The following NOC3L variants were observed in gnomAD, a reference collection of about 807,000 sequenced individuals.
The protein encoded by NOC3L is NOC3 like DNA replication regulator, also known as nucleolar complex protein 3 homolog.
A neutral mutation model predicts 102.5 loss-of-function variants in NOC3L; 85 were observed. The observed-to-expected ratio is 0.83, with a 90% CI of 0.70 to 0.99. The LOEUF (loss-of-function observed/expected upper bound fraction) is 0.99, where lower values mean the gene tolerates loss of function less well. NOC3L is among the 50% of genes least tolerant of loss of function. NOC3L has a pLI of 0.00. For missense variants in NOC3L, 878 were observed against 914.9 expected, an observed-to-expected ratio of 0.96 and a Z score of 0.52; for synonymous variants, 303 against 309.4, an observed-to-expected ratio of 0.98 and a Z score of 0.22.
intron 8 of NOC3L, 105 bp from the exon 9 acceptor site, chr10:94,350,393 C>G (rs533044111): frequency 1.6e-5 from 14 of 900,912 alleles, no homozygotes; most frequent in Non-Finnish European, 2.5e-5. Flanking sequence ...AACACACACA[C>G]ACACATTCCC....
the NOC3L span, chr10:94,316,741 A>G: frequency 6.2e-7 from 1 of 1,613,376 alleles, no homozygotes; most frequent in Non-Finnish European, 8.5e-7. Flanking sequence ...GGATTGTCTT[A>G]AAAACCCAGC....
chr10:94,350,101 A>G lies in NOC3L; in HGVS notation c.1128+12T>C. On this transcript the variant is annotated intron_variant, in intron 9 of 20. Coordinates refer to ENST00000371361, the MANE Select transcript of NOC3L (RefSeq NM_022451.11). ...CTAAGGAGGACAGCAATAACCATTTACAGCAACTCACCAATTTTGACATGT... is the reference window on the plus strand; with the variant it reads ...CTAAGGAGGACAGCAATAACCATTTGCAGCAACTCACCAATTTTGACATGT... 1.2e-6 allele frequency: 2 copies of G among 1,613,420 alleles called. No homozygotes were observed. Among genetic ancestry groups the G allele is most frequent in the Non-Finnish European group, 1.7e-6 (2 of 1,179,476 alleles).
the NOC3L span, among the ~76,000 whole-genome samples, chr10:94,326,493 T>C: frequency 2.3e-4 from 35 of 152,244 alleles, no homozygotes; most frequent in Non-Finnish European, 4.4e-4. Flanking sequence ...TGTGATGTTA[T>C]ACACACCTCT....
chr10:94,320,561 G>A, the NOC3L span, among the ~76,000 whole-genome samples: 1 of 152,134 alleles, frequency 6.6e-6, no homozygotes, highest in Non-Finnish European at 1.5e-5. Flanking sequence ...GGATTCTTCT[G>A]GTTAGTTAGT....
chr10:94,318,435 TTGAAAG>T, the NOC3L span, among the ~76,000 whole-genome samples: 1 of 152,220 alleles, frequency 6.6e-6, no homozygotes, highest in Non-Finnish European at 1.5e-5. Flanking sequence ...ATTTACAGCG[TTGAAAG>T]CCCTCAAACA....
intron 2 of NOC3L, chr10:94,361,395 G>A (rs1371017934): frequency 2.3e-6 from 1 of 435,996 alleles, no homozygotes; most frequent in Non-Finnish European, 4.1e-6. Context: ...AGTACTTTCA[G>A]TTTGTTTTCC....
Position 94,334,649 on chromosome 10 carries a change from T to C in NOC3L, c.2259A>G (p.Ser753=). 6.2e-7 allele frequency: 1 copy of C among 1,612,592 alleles called. No individual in the cohort carries two copies. Among genetic ancestry groups the C allele is most frequent in the East Asian group, 2.2e-5 (1 of 44,824 alleles). ...TATCCCATACCTTTATTTTGGGGTT[T>C]GAAGATTCAACAGGAGGATTGAATG... ...EMTFNPPVES[S]NPKIKGKFLQ... The change falls in exon 20 of 21, where the codon TCA becomes TCG. Residue 753 remains serine, a synonymous_variant. Transcript: ENST00000371361.
chr10:94,358,236 C>A, intron 2 of NOC3L, 21 bp from the exon 3 acceptor site: 1 of 1,222,530 alleles, frequency 8.2e-7, no homozygotes, highest in Non-Finnish European at 1.2e-6. Flanking sequence ...CACACACACA[C>A]ACAAAGAAAA....
chr10:94,327,299 A>C, the NOC3L span, among the ~76,000 whole-genome samples: 20,433 of 152,090 alleles, frequency 0.13, 1,538 homozygotes, highest in Middle Eastern at 0.26. Flanking sequence ...TAAGAAAAGA[A>C]GTTTAGAGTT....
At chr10:94,346,864 C>T (rs907992391) in intron 10 of NOC3L, among the ~76,000 whole-genome samples, 2 of 152,048 alleles carry the variant, frequency 1.3e-5, no homozygotes, top group Non-Finnish European at 2.9e-5. Flanking sequence ...AAAGAGAAAA[C>T]AGGCCAGGAA....
At position 94,346,557 on chromosome 10, in the gene NOC3L, C is replaced by A; in HGVS notation, c.1258-1G>T. 1 of 1,352,926 alleles carries A rather than the reference C, an allele frequency of 7.4e-7. No homozygotes were observed. Among genetic ancestry groups the A allele is most frequent in the South Asian group, 1.5e-5 (1 of 67,176 alleles). 83.8% of individuals were successfully genotyped at this position (1,352,926 alleles called of 1,614,324 possible). On this transcript the variant is annotated splice_acceptor_variant, in intron 10 of 20. Coordinates refer to ENST00000371361, the MANE Select transcript of NOC3L (RefSeq NM_022451.11). LOFTEE classifies it high-confidence loss of function. ...TTAGGCATAAAAATGTTTTTAACAT[C>A]TAATATTGGAAAAAAAACACAAATA...
At position 94,342,238 on chromosome 10, in the gene NOC3L, G is replaced by C. The variant is rs2054294233; in HGVS notation, c.1572-493C>G. ...GTGATCCTAGGTAACTCACTTCACT[G>C]TCCTGGGCCTCTATTTGTAGAAATA... On this transcript the variant is annotated intron_variant, in intron 13 of 20. Transcript: ENST00000371361. 2.0e-5 allele frequency among the ~76,000 whole-genome samples: 3 copies of C among 152,210 alleles called. No homozygotes were observed. In the East Asian group the frequency reaches 5.8e-4, roughly 29 times the overall value.
At chr10:94,326,664 T>G in the NOC3L span, among the ~76,000 whole-genome samples, 1 of 152,212 alleles carries the variant, frequency 6.6e-6, no homozygotes, top group Non-Finnish European at 1.5e-5. Context: ...CCTACTATAA[T>G]GAACATTGCT....
the NOC3L span, among the ~76,000 whole-genome samples, chr10:94,319,063 G>A: frequency 6.6e-6 from 1 of 151,962 alleles, no homozygotes; most frequent in Non-Finnish European, 1.5e-5. Flanking sequence ...ACAAAAAAAA[G>A]TATATGACAA....
intron 5 of NOC3L, 93 bp from the exon 6 acceptor site, chr10:94,355,186 C>A (rs867243325): frequency 2.6e-6 from 3 of 1,146,042 alleles, no homozygotes; most frequent in South Asian, 1.7e-5. Flanking sequence ...ATAATAATGA[C>A]AACAGCTAAG....
the NOC3L span, chr10:94,325,359 G>A: frequency 3.3e-5 from 13 of 388,724 alleles, no homozygotes; most frequent in South Asian, 2.8e-4. Flanking sequence ...AGCACTTTGG[G>A]AGGCCAAGGC....
Position 94,352,318 on chromosome 10 carries a change from A to C in NOC3L, c.944T>G (p.Met315Arg). Reference sequence around the variant, plus strand: ...AGATATGTTTAATATACCTTTAACCATTTGTTCCAGATTTTCCAAATAAAA... The same window carrying C: ...AGATATGTTTAATATACCTTTAACCCTTTGTTCCAGATTTTCCAAATAAAA... ...YKFYLENLEQ[M>R]VKDWKQRKLK... The change falls in exon 8 of 21, where the codon ATG becomes AGG. Residue 315 changes from methionine to arginine, a missense_variant. Met to Arg is a moderately conservative substitution (Grantham distance 91, BLOSUM62 -1). Coordinates refer to ENST00000371361, the MANE Select transcript of NOC3L (RefSeq NM_022451.11). 6.2e-7 allele frequency: 1 copy of C among 1,601,688 alleles called. No homozygotes were observed. Among genetic ancestry groups the C allele is most frequent in the Non-Finnish European group, 8.6e-7 (1 of 1,169,500 alleles).
rs1459043284 is a variant in NOC3L, at chr10:94,334,045, CT to C, written c.*131del. On this transcript the variant is annotated 3_prime_UTR_variant, in exon 21 of 21. Coordinates refer to ENST00000371361, the MANE Select transcript of NOC3L (RefSeq NM_022451.11). ...ACCCTGTGCCATGCAAAGGGTCATT[CT>C]TCCTCTTCTTCCTAGACATTCTTAG... is the stretch of plus-strand genomic sequence containing the variant. The C allele has an allele frequency of 1.7e-6, 1 of 578,308 alleles. No homozygotes were observed. Among genetic ancestry groups the C allele is most frequent in the East Asian group, 2.8e-5 (1 of 35,924 alleles). The allele number at this position is 578,308 out of a possible 1,614,324, so 35.8% of individuals were successfully genotyped here. A position where few individuals can be genotyped will look rare whatever the true frequency, so the allele number is the denominator to read the frequency against.
intron 8 of NOC3L, among the ~76,000 whole-genome samples, chr10:94,351,014 C>A (rs1443497182): frequency 6.6e-6 from 1 of 151,840 alleles, no homozygotes; most frequent in Non-Finnish European, 1.5e-5. Context: ...AAATTAATTT[C>A]ATTGCTTTTT....
Sources: gnomAD v4.1 joint callset for allele counts (sites outside exome capture counted in the v4.1 genomes callset) on GRCh38, gnomAD v4.1.1 for gene constraint, MANE v1.5 for transcripts, NCBI Gene and HGNC (gene_info 2026-07-23, HGNC 2026-07-21) for gene names.